The following USP13 variants were observed in gnomAD, a reference collection of about 807,000 sequenced individuals.
USP13 encodes the protein ubiquitin specific peptidase 13, also known as ubiquitin carboxyl-terminal hydrolase 13.
USP13 carries 68 observed loss-of-function variants against 107.8 expected under a neutral mutation model. The ratio of observed to expected loss-of-function variants is 0.63; its 90% confidence interval spans 0.52 to 0.77. The LOEUF is 0.77. Among genes scored for constraint, USP13 ranks in the 30% least tolerant of loss-of-function variants. The pLI is 0.00. For missense variants in USP13, 945 were observed against 1,093.3 expected (o/e 0.86, Z 1.91); for synonymous variants, 377 against 389.5 (o/e 0.97, Z 0.38).
chr3:179,694,799 CAAAAAAAAAA>C (rs576517737), intron 3 of USP13, among the ~76,000 whole-genome samples: 1 of 82,188 alleles, frequency 1.2e-5, no homozygotes, highest in Non-Finnish European at 2.5e-5. Context: ...AACTCCATCT[CAAAAAAAAAA>C]AAAAAAAAAA....
chr3:179,774,559 T>C (rs548801116), intron 19 of USP13, among the ~76,000 whole-genome samples: 1 of 148,396 alleles, frequency 6.7e-6, no homozygotes, highest in East Asian at 1.9e-4. Flanking sequence ...CATTCCTCCC[T>C]GTGGGTTTGT....
chr3:179,788,225 G>C lies in USP13; in HGVS notation c.*4084G>C, dbSNP rs558168784. Reference sequence around the variant, plus strand: ...TTCTGTGGGGAGATGGCAGGGGGCAGGGGCAGGACCAGGGGATGGGATTAG... The same window carrying C: ...TTCTGTGGGGAGATGGCAGGGGGCACGGGCAGGACCAGGGGATGGGATTAG... On this transcript the variant is annotated 3_prime_UTR_variant, in exon 21 of 21. Transcript: ENST00000263966. 3.9e-5 allele frequency: 6 copies of C among 152,548 alleles called. No homozygotes were observed. Among genetic ancestry groups the C allele is most frequent in the African/African-American group, 1.4e-4 (6 of 41,572 alleles). The allele number at this position is 152,548 out of a possible 1,614,324, so 9.4% of individuals were successfully genotyped here. A position where few individuals can be genotyped will look rare whatever the true frequency, so the allele number is the denominator to read the frequency against.
rs1416829208 is a variant in USP13, at chr3:179,653,602, C to T, written c.168+209C>T. The T allele has an allele frequency of 4.6e-6, 3 of 646,666 alleles. No individual in the cohort carries two copies. Among genetic ancestry groups the T allele is most frequent in the Non-Finnish European group, 7.5e-6 (3 of 399,668 alleles). The allele number at this position is 646,666 out of a possible 1,614,324, so 40.1% of individuals were successfully genotyped here. ...GGCTCGTGCTGGTGGTTTTGCTCCG[C>T]CAGCCTCCCCAGGCTGGAAGGGCCC... On this transcript the variant is annotated intron_variant, in intron 1 of 20. Coordinates refer to ENST00000263966, the MANE Select transcript of USP13 (RefSeq NM_003940.3). The surrounding 1 kb of genome is among the most constrained non-coding windows in gnomAD (Gnocchi z 4.0).
rs1720168868 is a variant in USP13 at position 179,653,785 on chromosome 3, A to G, written c.168+392A>G. ...CGGGATGATCCCCCCACACCCCGGG[A>G]CACACACAGCCCTTCTTTTTCTGGG... is the stretch of plus-strand genomic sequence containing the variant. On this transcript the variant is annotated intron_variant, in intron 1 of 20. Coordinates refer to ENST00000263966, the MANE Select transcript of USP13 (RefSeq NM_003940.3). This position sits in a 1 kb window ranked among gnomAD's most constrained non-coding sequence, Gnocchi z 4.0. 1 of 180,736 alleles carries G rather than the reference A, an allele frequency of 5.5e-6. No individual in the cohort carries two copies. Among genetic ancestry groups the G allele is most frequent in the East Asian group, 1.6e-4 (1 of 6,388 alleles). 11.2% of individuals were successfully genotyped at this position (180,736 alleles called of 1,614,324 possible).
rs1714244300 is a variant in USP13 at position 179,742,615 on chromosome 3, A to G, written c.1534+265A>G. ...AAATTTGGCCAACTACTGAATATGG[A>G]GTCAGCATAATTTTGGGGAAAATTA... On this transcript the variant is annotated intron_variant, in intron 12 of 20. Transcript: ENST00000263966. The surrounding 1 kb of genome is among the most constrained non-coding windows in gnomAD (Gnocchi z 5.0). Among the ~76,000 whole-genome samples, 1 of 152,164 alleles carries G rather than the reference A, an allele frequency of 6.6e-6. No individual in the cohort carries two copies. Among genetic ancestry groups the G allele is most frequent in the Non-Finnish European group, 1.5e-5 (1 of 68,026 alleles).
At chr3:179,718,415 C>G (rs1713182436) in intron 6 of USP13, among the ~76,000 whole-genome samples, 1 of 152,038 alleles carries the variant, frequency 6.6e-6, no homozygotes, top group African/African-American at 2.4e-5. Context: ...CCTTGGTCTC[C>G]CGGAGTGCTG....
intron 3 of USP13, among the ~76,000 whole-genome samples, chr3:179,699,724 G>T (rs1167780530): frequency 7.7e-5 from 11 of 143,096 alleles, no homozygotes; most frequent in East Asian, 4.0e-4. Flanking sequence ...AGCTTAGATT[G>T]CATTTTAGCT....
At chr3:179,658,580 A>G (rs1472410266) in intron 1 of USP13, among the ~76,000 whole-genome samples, 2 of 152,252 alleles carry the variant, frequency 1.3e-5, no homozygotes, top group Non-Finnish European at 1.5e-5. Flanking sequence ...GCAAGAGAAT[A>G]GTGACAAAGA....
At chr3:179,663,287 A>G (rs1165499108) in intron 1 of USP13, among the ~76,000 whole-genome samples, 1 of 152,198 alleles carries the variant, frequency 6.6e-6, no homozygotes, top group East Asian at 1.9e-4. Flanking sequence ...TAATGTCCTC[A>G]AGGTTAATCC....
At chr3:179,778,094 T>C (rs1715610184) in intron 19 of USP13, among the ~76,000 whole-genome samples, 2 of 152,046 alleles carry the variant, frequency 1.3e-5, no homozygotes, top group Admixed American at 1.3e-4. Context: ...TTTCTTTTCT[T>C]TTTTTTTCAG....
chr3:179,731,747 C>T (rs538904100), intron 10 of USP13, among the ~76,000 whole-genome samples: 3 of 152,254 alleles, frequency 2.0e-5, no homozygotes, highest in East Asian at 3.9e-4. Context: ...TGTTTGGCAC[C>T]GTCCTCTCCC....
At chr3:179,657,781 A>G (rs1298000131) in intron 1 of USP13, among the ~76,000 whole-genome samples, 1 of 146,902 alleles carries the variant, frequency 6.8e-6, no homozygotes, top group Non-Finnish European at 1.5e-5. Flanking sequence ...AAAAAAAAAA[A>G]AAAAAGAAAG....
At chr3:179,735,852 G>T (rs771176234) in intron 10 of USP13, among the ~76,000 whole-genome samples, 1 of 152,146 alleles carries the variant, frequency 6.6e-6, no homozygotes, top group Non-Finnish European at 1.5e-5. Flanking sequence ...GGGCCACACA[G>T]TAAGACCCCT....
Position 179,658,121 on chromosome 3 carries a change from A to AT in USP13, c.168+4734dup, listed in dbSNP as rs539254138. ...AGGTGCCCACCACCACGCCTGGCTA[A>AT]TTTTTTGTATTTTTAGTAGAGACGG... On this transcript the variant is annotated intron_variant, in intron 1 of 20. Coordinates refer to ENST00000263966, the MANE Select transcript of USP13 (RefSeq NM_003940.3). 3.3e-3 allele frequency among the ~76,000 whole-genome samples: 509 copies of AT among 151,982 alleles called. 3 individuals are homozygous for AT. Among genetic ancestry groups the AT allele is most frequent in the South Asian group, 9.4e-3 (45 of 4,800 alleles).
At position 179,772,570 on chromosome 3, in the gene USP13, G is replaced by A. The variant is rs186764340; in HGVS notation, c.2413+6722G>A. Among the ~76,000 whole-genome samples, 206 of 152,316 alleles carry A rather than the reference G, an allele frequency of 1.4e-3. 3 individuals are homozygous for A. The highest frequency in any genetic ancestry group is 4.7e-3 in the African/African-American group (196 of 41,572). ...GGGGCAAAAGGTACAGCTCCCCAGG[G>A]AAGCTAAGCCCCAGTGGTCGACTGG... On this transcript the variant is annotated intron_variant, in intron 19 of 20. Transcript: ENST00000263966.
At position 179,705,730 on chromosome 3, in the gene USP13, A is replaced by T. The variant is rs937197523; in HGVS notation, c.478-1204A>T. Among the ~76,000 whole-genome samples the T allele has an allele frequency of 5.3e-5, 8 of 151,540 alleles. No homozygotes were observed. The South Asian group carries it at 8.4e-4, about 16-fold the overall frequency. On this transcript the variant is annotated intron_variant, in intron 4 of 20. Coordinates refer to ENST00000263966, the MANE Select transcript of USP13 (RefSeq NM_003940.3). ...ATTATTTTTATTTTTTATTAAAAAA[A>T]TTTTTTTTTGAGACAGGGTTTCTCT...
intron 1 of USP13, among the ~76,000 whole-genome samples, chr3:179,660,788 A>G (rs2108433586): frequency 6.6e-6 from 1 of 152,380 alleles, no homozygotes; most frequent in African/African-American, 2.4e-5. Context: ...GCAAAATTTC[A>G]GAGCAGACAG....
At chr3:179,762,838 C>A (rs894385617) in intron 17 of USP13, among the ~76,000 whole-genome samples, 5 of 152,122 alleles carry the variant, frequency 3.3e-5, no homozygotes, top group Admixed American at 1.3e-4. Context: ...GTGGCTGAAC[C>A]ATTTTACATT....
rs764267624 is a variant in USP13 at position 179,757,112 on chromosome 3, A to G, written c.1948+34A>G. 8.7e-6 allele frequency: 14 copies of G among 1,605,944 alleles called. No homozygotes were observed. In the African/African-American group the frequency reaches 1.2e-4, roughly 14 times the overall value. ...CTTTAAAAATGTTTCTCAATGTCCT[A>G]CTGTTGTTATTAATCTGATGAATTT... On this transcript the variant is annotated intron_variant, in intron 16 of 20. Transcript: ENST00000263966.
Sources: gnomAD v4.1 joint callset for allele counts (sites outside exome capture counted in the v4.1 genomes callset) on GRCh38, gnomAD v4.1.1 for gene constraint, Gnocchi (gnomAD v3.1) non-coding constraint, MANE v1.5 for transcripts, NCBI Gene and HGNC (gene_info 2026-07-23, HGNC 2026-07-21) for gene names.